Variants in RGPD4 observed in about 807,000 individuals in gnomAD.
RGPD4 encodes RANBP2 like and GRIP domain containing 4, also known as ranBP2-like and GRIP domain-containing protein 4.
In RGPD4, 84 loss-of-function variants were observed where a neutral mutation model predicts 141.1. That is an observed-to-expected ratio of 0.60 (90% CI 0.50 to 0.71). The LOEUF is 0.71. Ranked by LOEUF, RGPD4 falls within the 30% of genes least tolerant of loss-of-function variation. The probability of loss-of-function intolerance (pLI) is 0.00; values close to 1 mark genes in which losing one functional copy is unlikely to be tolerated. For synonymous variants in RGPD4, 298 were observed against 566.8 expected (o/e 0.53, Z 6.74); for missense variants, 918 against 1,622.4 (o/e 0.57, Z 7.46).
At chr2:107,882,280 G>C (rs1040000938) in intron 21 of RGPD4, among the ~76,000 whole-genome samples, 7 of 149,752 alleles carry the variant, frequency 4.7e-5, no homozygotes, top group African/African-American at 9.8e-5. Flanking sequence ...TTCTTGATGT[G>C]TCTCATCTAC....
chr2:107,859,680 T>C, intron 11 of RGPD4, 42 bp from the exon 12 acceptor site: 2 of 1,611,270 alleles, frequency 1.2e-6, no homozygotes, highest in Non-Finnish European at 1.7e-6. Context: ...CGCTGAACTG[T>C]GTATTTAGAA....
In RGPD4 at chr2:107,871,149, G is replaced by A; in HGVS notation, c.3145G>A (p.Glu1049Lys). Residue 1049 changes from glutamate to lysine, a missense_variant, in exon 20 of 23, where the codon GAA becomes AAA. Glu to Lys is a moderately conservative substitution (Grantham distance 56). Coordinates refer to ENST00000408999, the MANE Select transcript of RGPD4 (RefSeq NM_182588.3). ...EPVVQMPEKV[E>K]LVIGEEGEKV... ...AGTAGTTCAAATGCCTGAAAAAGTA[G>A]AACTTGTAATAGGAGAAGAAGGTGA... 6.2e-7 allele frequency: 1 copy of A among 1,610,610 alleles called. No individual in the cohort carries two copies. The highest frequency in any genetic ancestry group is 8.5e-7 in the Non-Finnish European group (1 of 1,179,738).
chr2:107,863,911 G>A (rs926660491), intron 17 of RGPD4, among the ~76,000 whole-genome samples: 1 of 151,212 alleles, frequency 6.6e-6, no homozygotes, highest in South Asian at 2.1e-4. Context: ...CACAGAGAAG[G>A]TTCCCGAGTG....
intron 7 of RGPD4, among the ~76,000 whole-genome samples, chr2:107,853,925 CT>C (rs1417163770): frequency 1.7e-5 from 2 of 114,316 alleles, no homozygotes; most frequent in South Asian, 6.8e-4. Context: ...TTAAAAAAAA[CT>C]TTTTTTAGAG....
chr2:107,868,789 A>T, intron 18 of RGPD4, among the ~76,000 whole-genome samples: 1 of 123,144 alleles, frequency 8.1e-6, no homozygotes, highest in Non-Finnish European at 1.7e-5. Flanking sequence ...GTCTATTCAT[A>T]TGGTGCTTTT....
intron 17 of RGPD4, among the ~76,000 whole-genome samples, chr2:107,863,786 C>A (rs1345512648): frequency 1.3e-5 from 2 of 151,982 alleles, no homozygotes; most frequent in Non-Finnish European, 2.9e-5. Context: ...AACCACCGCA[C>A]CCAGCCCTTT....
chr2:107,877,947 G>A (rs1410634580), intron 20 of RGPD4, among the ~76,000 whole-genome samples: 1 of 151,412 alleles, frequency 6.6e-6, no homozygotes. Flanking sequence ...CCAGCAGCTG[G>A]GATTACAGGC....
chr2:107,872,593 C>G lies in RGPD4; in HGVS notation c.4589C>G (p.Thr1530Arg), dbSNP rs777575922. Residue 1530 changes from threonine to arginine, a missense_variant, in exon 20 of 23, where the codon ACA becomes AGA. Transcript: ENST00000408999. ...GTGTCTAGCACATCTGAAACAACAA[C>G]AAAAGCAGTGGTTTCTCCTCCAAAG... ...VEVSSTSETT[T>R]KAVVSPPKFV... is the part of the protein sequence containing the mutation. 6.3e-7 allele frequency: 1 copy of G among 1,596,508 alleles called. No individual in the cohort carries two copies. The highest frequency in any genetic ancestry group is 1.7e-5 in the Admixed American group (1 of 58,404).
chr2:107,840,868 T>C (rs1446722311), intron 4 of RGPD4, among the ~76,000 whole-genome samples: 1 of 70,112 alleles, frequency 1.4e-5, no homozygotes, highest in Non-Finnish European at 3.1e-5. Context: ...CCACCCACTT[T>C]GGCCTCCCAA....
chr2:107,878,047 C>T (rs4401180), intron 20 of RGPD4, among the ~76,000 whole-genome samples: 15 of 151,022 alleles, frequency 9.9e-5, no homozygotes, highest in African/African-American at 2.5e-4. Context: ...TTGCTGACCT[C>T]GTGATCCACC....
chr2:107,854,762 C>G lies in RGPD4; in HGVS notation c.1066+119C>G. The G allele has an allele frequency of 2.1e-6, 3 of 1,443,784 alleles. No individual in the cohort carries two copies. In the Admixed American group the frequency reaches 7.1e-5, roughly 34 times the overall value. The allele number at this position is 1,443,784 out of a possible 1,614,324, so 89.4% of individuals were successfully genotyped here. ...AATTTGTCAAAATTATTTCTTTTCG[C>G]CGTATCAGTTAAGAGCAATAGGTAT... On this transcript the variant is annotated intron_variant, in intron 8 of 22. Coordinates refer to ENST00000408999, the MANE Select transcript of RGPD4 (RefSeq NM_182588.3).
intron 21 of RGPD4, among the ~76,000 whole-genome samples, chr2:107,881,639 A>G (rs2433701): frequency 6.6e-6 from 1 of 150,652 alleles, no homozygotes; most frequent in Admixed American, 6.6e-5. Context: ...TCATAAATTT[A>G]TACTCTCTTC....
rs1262463494 is a variant in RGPD4 at position 107,890,857 on chromosome 2, A to G, written c.*126A>G. 12 of 1,151,690 alleles carry G rather than the reference A, an allele frequency of 1.0e-5. No homozygotes were observed. The highest frequency in any genetic ancestry group is 4.8e-5 in the East Asian group (2 of 41,876). The allele number at this position is 1,151,690 out of a possible 1,614,324, so 71.3% of individuals were successfully genotyped here. A position where few individuals can be genotyped will look rare whatever the true frequency, so the allele number is the denominator to read the frequency against. ...TTTACAAAAATGGTTCATGTGTATTACCATCATTCTTTTGTCAAAAAGTGT... is the reference window on the plus strand; with the variant it reads ...TTTACAAAAATGGTTCATGTGTATTGCCATCATTCTTTTGTCAAAAAGTGT... On this transcript the variant is annotated 3_prime_UTR_variant, in exon 23 of 23. Transcript: ENST00000408999.
At chr2:107,873,558 A>C (rs1299423991) in intron 20 of RGPD4, among the ~76,000 whole-genome samples, 1 of 137,326 alleles carries the variant, frequency 7.3e-6, no homozygotes. Context: ...TGACTGAGTG[A>C]CTGAGACTTT....
chr2:107,845,814 T>C (rs1681911254), intron 6 of RGPD4, among the ~76,000 whole-genome samples: 1 of 152,012 alleles, frequency 6.6e-6, no homozygotes, highest in South Asian at 2.1e-4. Flanking sequence ...TCTGCCCTCC[T>C]CGGCCTCCCA....
intron 7 of RGPD4, among the ~76,000 whole-genome samples, chr2:107,854,093 C>G (rs1473376904): frequency 7.9e-6 from 1 of 126,418 alleles, no homozygotes; most frequent in Non-Finnish European, 1.6e-5. Context: ...CTCGCTCTTT[C>G]ACCCAGGCCG....
Position 107,851,765 on chromosome 2 carries a change from T to TTA in RGPD4, c.979-2790_979-2789dup, listed in dbSNP as rs1682120078. Among the ~76,000 whole-genome samples the TTA allele has an allele frequency of 4.1e-5, 3 of 73,384 alleles. No individual in the cohort carries two copies. In the South Asian group the frequency reaches 2.1e-3, roughly 52 times the overall value. 48.1% of individuals were successfully genotyped at this position (73,384 alleles called of 152,430 possible). ...TTATTTTATCAGTTTATTTTAAAGC[T>TTA]TAATGATCAAATGATTATAAGCATA... On this transcript the variant is annotated intron_variant, in intron 7 of 22. Transcript: ENST00000408999.
chr2:107,829,345 G>C (rs1418815184), intron 1 of RGPD4, among the ~76,000 whole-genome samples: 1 of 37,074 alleles, frequency 2.7e-5, no homozygotes, highest in Admixed American at 1.8e-4. Flanking sequence ...GGCGCGCTCT[G>C]TTGAGGCGGC....
chr2:107,882,848 G>A lies in RGPD4; in HGVS notation c.5241G>A (p.Lys1747=), dbSNP rs570531140. Residue 1747 remains lysine, a synonymous_variant, in exon 22 of 23, where the codon AAG becomes AAA. Coordinates refer to ENST00000408999, the MANE Select transcript of RGPD4 (RefSeq NM_182588.3). ...NTMLQLSPEE[K]GKLAAVAQGE... ...TGTTGCAGCTCAGCCCTGAAGAAAAGGGAAAACTTGCTGCGGTTGCTCAAG... is the reference window on the plus strand; with the variant it reads ...TGTTGCAGCTCAGCCCTGAAGAAAAAGGAAAACTTGCTGCGGTTGCTCAAG... 2.4e-5 allele frequency: 38 copies of A among 1,609,496 alleles called. 1 individual carries two copies. In the African/African-American group the frequency reaches 3.1e-4, roughly 13 times the overall value.
Sources: allele counts gnomAD v4.1 joint callset (sites outside exome capture counted in the v4.1 genomes callset), GRCh38; gene constraint gnomAD v4.1.1; transcripts MANE v1.5; gene names NCBI Gene and HGNC (gene_info 2026-07-23, HGNC 2026-07-21).